The following KLHL2 variants were observed in gnomAD, a reference collection of about 807,000 sequenced individuals.
KLHL2 encodes the protein kelch-like protein 2.
A neutral mutation model predicts 75.8 loss-of-function variants in KLHL2; 15 were observed. The ratio of observed to expected loss-of-function variants is 0.20; its 90% confidence interval spans 0.13 to 0.30. KLHL2 has a LOEUF of 0.30. KLHL2 is among the 10% of genes least tolerant of loss of function. The pLI is 1.00. For synonymous variants in KLHL2, 214 were observed against 251.9 expected (o/e 0.85, Z 1.42); for missense variants, 381 against 741.0 (o/e 0.51, Z 5.64).
At chr4:165,256,735 A>G (rs1279881324) in intron 4 of KLHL2, among the ~76,000 whole-genome samples, 2 of 152,272 alleles carry the variant, frequency 1.3e-5, no homozygotes. Flanking sequence ...TAACAAATAC[A>G]TAAAATTTAA....
At chr4:165,229,374 T>G (rs901328843) in intron 3 of KLHL2, among the ~76,000 whole-genome samples, 21 of 152,234 alleles carry the variant, frequency 1.4e-4, no homozygotes, top group Admixed American at 3.3e-4. Context: ...TGTGAAAATA[T>G]ATAGAATGAT....
intron 4 of KLHL2, among the ~76,000 whole-genome samples, chr4:165,249,997 G>A (rs1360071114): frequency 1.3e-5 from 2 of 152,024 alleles, no homozygotes; most frequent in Non-Finnish European, 2.9e-5. Flanking sequence ...GGTGGCGGGC[G>A]CCTGTGGTCC....
chr4:165,268,605 C>T (rs1337405571), intron 5 of KLHL2, among the ~76,000 whole-genome samples: 1 of 152,176 alleles, frequency 6.6e-6, no homozygotes, highest in Non-Finnish European at 1.5e-5. Context: ...TGTTCAGTTT[C>T]CATGTAGCTG....
At chr4:165,252,045 A>T (rs1740777419) in intron 4 of KLHL2, among the ~76,000 whole-genome samples, 1 of 152,228 alleles carries the variant, frequency 6.6e-6, no homozygotes, top group African/African-American at 2.4e-5. Context: ...AATCATTTTG[A>T]GAGTCACGTT....
chr4:165,303,902 G>C (rs1030060369), intron 8 of KLHL2, among the ~76,000 whole-genome samples: 13 of 151,228 alleles, frequency 8.6e-5, no homozygotes, highest in Non-Finnish European at 1.5e-5. Flanking sequence ...GTGAGACAGA[G>C]TCTCACTCTG....
chr4:165,212,194 T>C (rs1269112822), intron 1 of KLHL2, among the ~76,000 whole-genome samples: 1 of 152,164 alleles, frequency 6.6e-6, no homozygotes, highest in Non-Finnish European at 1.5e-5. Flanking sequence ...AAGTTCCTTT[T>C]CCTATGATTG....
At chr4:165,294,148 C>T (rs189730252) in intron 5 of KLHL2, among the ~76,000 whole-genome samples, 47 of 152,192 alleles carry the variant, frequency 3.1e-4, no homozygotes, top group Non-Finnish European at 5.0e-4. Flanking sequence ...TGCACTGCTA[C>T]TGTGCTGTTG....
In KLHL2 at chr4:165,219,962, C is replaced by T; in HGVS notation, c.55C>T (p.Leu19Phe). ...ACTKQGHQKP[L>F]DSKDDNTEKH... ...CACAAAGCAGGGTCATCAGAAGCCT[C>T]TCGATTCAAAAGATGATAATACCGA... The change falls in exon 2 of 15, where the codon CTC becomes TTC. Residue 19 changes from leucine (L) to phenylalanine (F), a missense_variant. Physicochemically the swap from Leu to Phe is conservative, Grantham distance 22 (BLOSUM62 0). Transcript: ENST00000226725. 6.2e-7 allele frequency: 1 copy of T among 1,613,692 alleles called. No individual in the cohort carries two copies. The highest frequency in any genetic ancestry group is 8.5e-7 in the Non-Finnish European group (1 of 1,179,768).
intron 5 of KLHL2, among the ~76,000 whole-genome samples, chr4:165,271,920 A>G (rs971011208): frequency 4.6e-5 from 7 of 152,158 alleles, no homozygotes; most frequent in African/African-American, 1.7e-4. Context: ...TGAGTAAGGA[A>G]GCTTTTGGTA....
chr4:165,283,841 A>G (rs1385430676), intron 5 of KLHL2, among the ~76,000 whole-genome samples: 2 of 152,210 alleles, frequency 1.3e-5, no homozygotes, highest in African/African-American at 4.8e-5. Flanking sequence ...GCATACAGGC[A>G]TTTTCATACA....
intron 2 of KLHL2, among the ~76,000 whole-genome samples, chr4:165,221,510 G>A (rs1353799235): frequency 6.6e-6 from 1 of 152,180 alleles, no homozygotes; most frequent in Non-Finnish European, 1.5e-5. Flanking sequence ...CAGTGCACGT[G>A]GCGGTGGAAT....
At chr4:165,300,792 T>A (rs1745295614) in intron 8 of KLHL2, among the ~76,000 whole-genome samples, 1 of 152,236 alleles carries the variant, frequency 6.6e-6, no homozygotes, top group African/African-American at 2.4e-5. Context: ...GATTAAGAAA[T>A]AAGAATCTGT....
Position 165,299,496 on chromosome 4 carries a change from T to G in KLHL2, c.772-11T>G. 3 of 1,597,610 alleles carry G rather than the reference T, an allele frequency of 1.9e-6. No homozygotes were observed. The highest frequency in any genetic ancestry group is 2.6e-6 in the Non-Finnish European group (3 of 1,171,808). ...CTACCCTCAGTGGGTGTGTCTGATT[T>G]CTTGTTACAGAGGGTTGAAGAGGAA... On this transcript the variant is annotated splice_polypyrimidine_tract_variant and intron_variant, in intron 7 of 14. Transcript: ENST00000226725.
chr4:165,281,476 T>C (rs1477101886), intron 5 of KLHL2, among the ~76,000 whole-genome samples: 4 of 152,002 alleles, frequency 2.6e-5, no homozygotes, highest in Non-Finnish European at 4.4e-5. Flanking sequence ...CCACCTCGCC[T>C]GGCTAATTTT....
At chr4:165,311,599 C>T (rs746502858) in intron 11 of KLHL2, 34 bp downstream of exon 11, 2 of 1,455,338 alleles carry the variant, frequency 1.4e-6, no homozygotes, top group Non-Finnish European at 1.9e-6. Flanking sequence ...GTACATGTGG[C>T]ATTTTGATCC....
chr4:165,231,038 G>A (rs1361881314), intron 3 of KLHL2, among the ~76,000 whole-genome samples: 1 of 152,172 alleles, frequency 6.6e-6, no homozygotes, highest in African/African-American at 2.4e-5. Flanking sequence ...AGATTGCTAT[G>A]CGCTAAAGTA....
chr4:165,260,528 G>A (rs1741573282), intron 4 of KLHL2, among the ~76,000 whole-genome samples: 1 of 152,028 alleles, frequency 6.6e-6, no homozygotes, highest in Non-Finnish European at 1.5e-5. Context: ...AATCAATAAA[G>A]CAAAATGAAA....
intron 10 of KLHL2, 46 bp from the exon 11 acceptor site, chr4:165,311,418 G>A (rs1238120307): frequency 7.3e-7 from 1 of 1,368,868 alleles, no homozygotes; most frequent in Non-Finnish European, 1.0e-6. Context: ...ATGAACTATT[G>A]ACATTTTTTA....
intron 11 of KLHL2, among the ~76,000 whole-genome samples, chr4:165,311,809 C>CTCTGTG (rs1367964726): frequency 2.1e-5 from 3 of 144,790 alleles, no homozygotes; most frequent in East Asian, 2.0e-4. Context: ...TCCTTTCTCT[C>CTCTGTG]TGTGTGTGTG....
Sources: allele counts gnomAD v4.1 joint callset (sites outside exome capture counted in the v4.1 genomes callset), GRCh38; gene constraint gnomAD v4.1.1; transcripts MANE v1.5; gene names NCBI Gene and HGNC (gene_info 2026-07-23, HGNC 2026-07-21).